The following HIVEP3 variants were observed in gnomAD, a reference collection of about 807,000 sequenced individuals.
HIVEP3 encodes transcription factor HIVEP3.
A neutral mutation model predicts 152.8 loss-of-function variants in HIVEP3; 49 were observed. The observed-to-expected ratio is 0.32, with a 90% CI of 0.26 to 0.41. The LOEUF is 0.41. Ranked by LOEUF, HIVEP3 falls within the 10% of genes least tolerant of loss-of-function variation. The probability of loss-of-function intolerance (pLI) is 1.00; values close to 1 mark genes in which losing one functional copy is unlikely to be tolerated. For synonymous variants in HIVEP3, 1,269 were observed against 1,289.0 expected (o/e 0.98, Z 0.33); for missense variants, 2,790 against 3,103.3 (o/e 0.90, Z 2.40).
intron 2 of HIVEP3, among the ~76,000 whole-genome samples, chr1:41,679,310 T>G: frequency 6.6e-6 from 1 of 152,236 alleles, no homozygotes; most frequent in African/African-American, 2.4e-5. Flanking sequence ...CCAAGGTCCA[T>G]GCCCAGGGTC....
At chr1:41,868,179 A>ATATAATATT (rs1644014076) in intron 1 of HIVEP3, among the ~76,000 whole-genome samples, 1 of 134,284 alleles carries the variant, frequency 7.4e-6, no homozygotes, top group Non-Finnish European at 1.6e-5. Flanking sequence ...ATCAGTAGTT[A>ATATAATATT]TATAATAGTT....
intron 1 of HIVEP3, among the ~76,000 whole-genome samples, chr1:42,032,313 C>T (rs530283565): frequency 6.6e-6 from 1 of 152,318 alleles, no homozygotes; most frequent in Non-Finnish European, 1.5e-5. Context: ...CGCCATCTCA[C>T]TGCCACCTCC....
In HIVEP3 at chr1:41,800,752, AGGTGCCCCT is replaced by A. The variant is rs1650254077; in HGVS notation, c.-800-99766_-800-99758del. 3.3e-5 allele frequency among the ~76,000 whole-genome samples: 5 copies of A among 152,354 alleles called. No individual in the cohort carries two copies. The South Asian group carries it at 1.0e-3, about 32-fold the overall frequency. On this transcript the variant is annotated intron_variant, in intron 1 of 8. Transcript: ENST00000372583. ...GCTATAGAAAATGCAAGAGCAAGGCAGGTGCCCCTTTCACTATATATGCAAAGTACCAAG... is the reference window on the plus strand; with the variant it reads ...GCTATAGAAAATGCAAGAGCAAGGCATTCACTATATATGCAAAGTACCAAG...
chr1:41,540,436 C>T (rs889356307), intron 5 of HIVEP3, among the ~76,000 whole-genome samples: 3 of 152,184 alleles, frequency 2.0e-5, no homozygotes, highest in Non-Finnish European at 4.4e-5. Flanking sequence ...TGCAGCTGTC[C>T]TTACAGATTA....
intron 1 of HIVEP3, among the ~76,000 whole-genome samples, chr1:41,986,294 A>T (rs1570868874): frequency 1.3e-5 from 2 of 152,354 alleles, no homozygotes; most frequent in East Asian, 3.9e-4. Flanking sequence ...TTCTTGCACA[A>T]GATGTAAAAT....
intron 1 of HIVEP3, among the ~76,000 whole-genome samples, chr1:41,995,186 A>C (rs181988974): frequency 6.6e-6 from 1 of 152,102 alleles, no homozygotes; most frequent in Non-Finnish European, 1.5e-5. Flanking sequence ...ACCCAATCGC[A>C]CTAAGTGGAA....
intron 5 of HIVEP3, among the ~76,000 whole-genome samples, chr1:41,564,085 C>A (rs372600180): frequency 1.3e-5 from 2 of 151,980 alleles, no homozygotes; most frequent in South Asian, 4.1e-4. Flanking sequence ...CCCAGCTACT[C>A]GGGAGGCTGA....
At chr1:41,991,083 T>G (rs1481568313) in intron 1 of HIVEP3, among the ~76,000 whole-genome samples, 1 of 146,314 alleles carries the variant, frequency 6.8e-6, no homozygotes, top group Non-Finnish European at 1.5e-5. Flanking sequence ...AACATCACAA[T>G]TAAAAGAACT....
intron 1 of HIVEP3, among the ~76,000 whole-genome samples, chr1:41,798,482 T>C (rs1466495042): frequency 2.0e-5 from 3 of 152,202 alleles, no homozygotes; most frequent in Non-Finnish European, 4.4e-5. Flanking sequence ...CATAGGCTGA[T>C]GCCACACCAG....
At chr1:41,937,633 G>A (rs1312607973) in intron 1 of HIVEP3, among the ~76,000 whole-genome samples, 1 of 152,208 alleles carries the variant, frequency 6.6e-6, no homozygotes, top group Non-Finnish European at 1.5e-5. Flanking sequence ...ATTACATGTT[G>A]AAGTGATGAT....
intron 1 of HIVEP3, among the ~76,000 whole-genome samples, chr1:41,789,349 G>C (rs929899523): frequency 1.3e-5 from 2 of 152,200 alleles, no homozygotes. Context: ...AGTGACTGAG[G>C]AGGGGAAATG....
At chr1:41,645,238 C>A (rs1325926322) in intron 2 of HIVEP3, among the ~76,000 whole-genome samples, 1 of 152,214 alleles carries the variant, frequency 6.6e-6, no homozygotes, top group Non-Finnish European at 1.5e-5. Flanking sequence ...GACCCCCAGG[C>A]CCTGCTGGCT....
chr1:41,654,044 C>G (rs1277701872), intron 2 of HIVEP3, among the ~76,000 whole-genome samples: 1 of 150,928 alleles, frequency 6.6e-6, no homozygotes, highest in Non-Finnish European at 1.5e-5. Flanking sequence ...CTCCTTGCAC[C>G]TACTCCTTCC....
intron 3 of HIVEP3, among the ~76,000 whole-genome samples, chr1:41,623,690 A>G (rs973819182): frequency 1.9e-4 from 29 of 152,194 alleles, no homozygotes; most frequent in African/African-American, 6.0e-4. Context: ...CCTAAGGCCA[A>G]TGTGCAATCC....
At chr1:41,708,940 A>G (rs1482456454) in intron 1 of HIVEP3, among the ~76,000 whole-genome samples, 3 of 152,224 alleles carry the variant, frequency 2.0e-5, no homozygotes, top group African/African-American at 4.8e-5. Context: ...ATTGGCTCAT[A>G]TGACTCAGTT....
intron 5 of HIVEP3, among the ~76,000 whole-genome samples, chr1:41,526,053 G>C (rs1007167812): frequency 6.6e-6 from 1 of 152,056 alleles, no homozygotes; most frequent in African/African-American, 2.4e-5. Flanking sequence ...AGCACAGAGG[G>C]GCAGGAGGTG....
At chr1:41,565,549 C>T (rs1041232551) in intron 5 of HIVEP3, among the ~76,000 whole-genome samples, 3 of 134,338 alleles carry the variant, frequency 2.2e-5, no homozygotes, top group African/African-American at 5.5e-5. Context: ...CACACACACA[C>T]ACACACAGAG....
At chr1:41,829,847 C>T (rs1198476962) in intron 1 of HIVEP3, among the ~76,000 whole-genome samples, 1 of 150,972 alleles carries the variant, frequency 6.6e-6, no homozygotes, top group African/African-American at 2.4e-5. Flanking sequence ...ATAATTTCCT[C>T]ACCTGTAAAG....
intron 3 of HIVEP3, among the ~76,000 whole-genome samples, chr1:41,598,999 T>A (rs964090551): frequency 3.9e-5 from 6 of 152,026 alleles, no homozygotes; most frequent in African/African-American, 1.4e-4. Context: ...TATCTTTTTT[T>A]AGAGATGGGG....
Sources: allele counts gnomAD v4.1 joint callset (sites outside exome capture counted in the v4.1 genomes callset), GRCh38; gene constraint gnomAD v4.1.1; transcripts MANE v1.5; gene names NCBI Gene and HGNC (gene_info 2026-07-23, HGNC 2026-07-21).